NFIA: variants seen among roughly 807,000 people sequenced by gnomAD.
NFIA encodes the protein nuclear factor I A.
A neutral mutation model predicts 62.8 loss-of-function variants in NFIA; 8 were observed. The observed-to-expected ratio is 0.13, with a 90% confidence interval of 0.07 to 0.23. NFIA has a LOEUF of 0.23. Ranked by LOEUF, NFIA falls within the 10% of genes least tolerant of loss-of-function variation. NFIA has a pLI of 1.00. For missense variants in NFIA, 410 were observed against 642.1 expected (o/e 0.64, Z 3.91); for synonymous variants, 235 against 238.1 (o/e 0.99, Z 0.12).
chr1:61,352,453 C>G lies in NFIA; in HGVS notation c.704C>G (p.Pro235Arg). Residue 235 changes from proline to arginine, a missense_variant, in exon 5 of 11, where the codon CCA (proline) becomes CGA (arginine). By Grantham distance (103) the Pro-to-Arg change is moderately radical. This residue lies in a region of NFIA where 298 missense variants were observed against 438.1 expected (regional missense o/e 0.68). Transcript: ENST00000403491. ...TTGTTTGTTTTCTTAATTCTAGCAC[C>G]AATAGCTGCAGGAACTGGCCCAAAT... is the stretch of plus-strand genomic sequence containing the variant. Reference protein sequence around the residue: ...VTELVRVSQTPIAAGTGPNFS... With the variant: ...VTELVRVSQTRIAAGTGPNFS... The G allele has an allele frequency of 6.2e-7, 1 of 1,608,612 alleles. No individual in the cohort carries two copies. The highest frequency in any genetic ancestry group is 8.5e-7 in the Non-Finnish European group (1 of 1,175,536).
chr1:61,409,660 A>G (rs1286454369), intron 9 of NFIA, among the ~76,000 whole-genome samples: 4 of 152,094 alleles, frequency 2.6e-5, no homozygotes, highest in Non-Finnish European at 5.9e-5. Flanking sequence ...CTAACACTGA[A>G]CCCCCAATTA....
In NFIA at chr1:61,359,285, T is replaced by C. The variant is rs746318586; in HGVS notation, c.946+11T>C. On this transcript the variant is annotated intron_variant, in intron 6 of 10. Transcript: ENST00000403491. ...ATGAAGTGGAGCCAGGTAAGCAGAG[T>C]GGCGGCACGGGCATGTGGCTAACAC... 1 of 1,612,028 alleles carries C rather than the reference T, an allele frequency of 6.2e-7. No individual in the cohort carries two copies. Among genetic ancestry groups the C allele is most frequent in the Non-Finnish European group, 8.5e-7 (1 of 1,179,884 alleles).
At chr1:61,412,678 A>G (rs1199069246) in intron 9 of NFIA, among the ~76,000 whole-genome samples, 1 of 152,196 alleles carries the variant, frequency 6.6e-6, no homozygotes, top group African/African-American at 2.4e-5. Context: ...TATCATAATA[A>G]GCTGCCTTTC....
chr1:61,114,271 GA>G (rs141300374), intron 2 of NFIA, among the ~76,000 whole-genome samples: 4,492 of 151,426 alleles, frequency 0.03, 224 homozygotes, highest in African/African-American at 0.096. Flanking sequence ...GACCTATGTA[GA>G]AAAAAAATGA....
upstream of NFIA, chr1:61,082,556 T>G: frequency 3.4e-6 from 5 of 1,453,078 alleles, no homozygotes; most frequent in Non-Finnish European, 4.6e-6. Flanking sequence ...AGGGAAACTC[T>G]AGGCGGGGTT....
At chr1:61,157,731 T>C (rs566089925) in intron 2 of NFIA, among the ~76,000 whole-genome samples, 15 of 152,146 alleles carry the variant, frequency 9.9e-5, no homozygotes, top group Non-Finnish European at 1.3e-4. Context: ...GAAAAAGACT[T>C]TGGACTCCTT....
chr1:61,222,794 T>C (rs1375733060), intron 2 of NFIA, among the ~76,000 whole-genome samples: 1 of 152,082 alleles, frequency 6.6e-6, no homozygotes, highest in Admixed American at 6.5e-5. Context: ...CAGTGAGCTC[T>C]CATTTATTAT....
intron 10 of NFIA, among the ~76,000 whole-genome samples, chr1:61,448,384 T>C (rs1667915968): frequency 6.6e-6 from 1 of 152,232 alleles, no homozygotes; most frequent in Non-Finnish European, 1.5e-5. Flanking sequence ...TAAGAAATTA[T>C]ATCATTAAAT....
intron 2 of NFIA, among the ~76,000 whole-genome samples, chr1:61,217,810 T>A (rs1653740821): frequency 1.3e-5 from 2 of 152,188 alleles, no homozygotes; most frequent in South Asian, 4.1e-4. Flanking sequence ...AAATTAGACA[T>A]TGTATTCAGT....
chr1:61,093,259 T>C (rs573403276), intron 2 of NFIA, among the ~76,000 whole-genome samples: 1 of 152,258 alleles, frequency 6.6e-6, no homozygotes, highest in East Asian at 1.9e-4. Context: ...AACACCCTAG[T>C]AGAAAGTTGT....
chr1:61,318,587 C>A (rs1660496079), intron 3 of NFIA, among the ~76,000 whole-genome samples: 1 of 152,158 alleles, frequency 6.6e-6, no homozygotes, highest in Non-Finnish European at 1.5e-5. Flanking sequence ...AAGCCAACAC[C>A]CATATAGTTG....
chr1:61,336,876 CAT>C (rs1364010905), intron 4 of NFIA, among the ~76,000 whole-genome samples: 6 of 152,188 alleles, frequency 3.9e-5, no homozygotes, highest in Admixed American at 1.3e-4. Flanking sequence ...ATTTCACAGT[CAT>C]CATTAATGAT....
chr1:61,349,618 G>A (rs1321527365), intron 4 of NFIA, among the ~76,000 whole-genome samples: 1 of 152,052 alleles, frequency 6.6e-6, no homozygotes, highest in East Asian at 1.9e-4. Context: ...CCATTGCCCA[G>A]GCTGGAGTTG....
intron 2 of NFIA, among the ~76,000 whole-genome samples, chr1:61,187,071 A>G (rs890848518): frequency 6.6e-6 from 1 of 152,322 alleles, no homozygotes; most frequent in South Asian, 2.1e-4. Context: ...CTTTATTTGT[A>G]AAATGTCAAC....
At chr1:61,173,693 A>G (rs1256258463) in intron 2 of NFIA, among the ~76,000 whole-genome samples, 1 of 152,106 alleles carries the variant, frequency 6.6e-6, no homozygotes, top group African/African-American at 2.4e-5. Flanking sequence ...CCTGGCCCTA[A>G]TTCCCCTTTA....
intron 7 of NFIA, among the ~76,000 whole-genome samples, chr1:61,392,549 C>T (rs768822743): frequency 2.0e-5 from 3 of 151,896 alleles, no homozygotes; most frequent in Non-Finnish European, 2.9e-5. Flanking sequence ...CATGGCTGCT[C>T]AGCTTGGGTT....
intron 10 of NFIA, among the ~76,000 whole-genome samples, chr1:61,432,610 T>TACAC (rs71050127): frequency 9.0e-5 from 5 of 55,766 alleles, no homozygotes; most frequent in East Asian, 7.6e-4. Flanking sequence ...TATATATATA[T>TACAC]ACACACACAC....
intron 6 of NFIA, among the ~76,000 whole-genome samples, chr1:61,377,607 T>C (rs563809579): frequency 6.6e-6 from 1 of 152,302 alleles, no homozygotes; most frequent in African/African-American, 2.4e-5. Flanking sequence ...AGTGCTGAGG[T>C]TGCTTGCTTT....
At chr1:61,205,901 C>CTTTTTTT (rs199804398) in intron 2 of NFIA, among the ~76,000 whole-genome samples, 1 of 122,506 alleles carries the variant, frequency 8.2e-6, no homozygotes, top group Non-Finnish European at 1.6e-5. Context: ...TTTTGCAGCC[C>CTTTTTTT]TTTTTTTTTT....
Sources: allele counts gnomAD v4.1 joint callset (sites outside exome capture counted in the v4.1 genomes callset), GRCh38; gene constraint gnomAD v4.1.1; regional missense constraint gnomAD v4.1.1; transcripts MANE v1.5; gene names NCBI Gene and HGNC (gene_info 2026-07-23, HGNC 2026-07-21).